Variants in UNC5D observed in about 807,000 individuals in gnomAD.
UNC5D encodes netrin receptor UNC5D.
Under a neutral mutation model 105.4 loss-of-function variants are expected in UNC5D, and 39 were observed. The observed-to-expected ratio is 0.37, with a 90% CI of 0.29 to 0.48. The LOEUF (loss-of-function observed/expected upper bound fraction) is 0.48, where lower values mean the gene tolerates loss of function less well. Among genes scored for constraint, UNC5D ranks in the 20% least tolerant of loss-of-function variants. The pLI, the probability that UNC5D is intolerant of heterozygous loss-of-function variation, is 0.98. For missense variants in UNC5D, 991 were observed against 1,202.4 expected (o/e 0.82, Z 2.60); for synonymous variants, 452 against 450.4 (o/e 1.00, Z -0.04).
chr8:35,393,868 TA>T (rs1405301518), intron 1 of UNC5D, among the ~76,000 whole-genome samples: 2 of 152,248 alleles, frequency 1.3e-5, no homozygotes, highest in East Asian at 3.8e-4. Context: ...AAGATCATTT[TA>T]GTTTTACACT....
chr8:35,601,448 A>G (rs563756254), intron 4 of UNC5D, among the ~76,000 whole-genome samples: 27 of 152,308 alleles, frequency 1.8e-4, no homozygotes, highest in African/African-American at 6.3e-4. Flanking sequence ...ATGTTCTTCC[A>G]TTTGTTTGTA....
intron 1 of UNC5D, among the ~76,000 whole-genome samples, chr8:35,416,024 G>A (rs979720541): frequency 6.6e-6 from 1 of 152,000 alleles, no homozygotes; most frequent in African/African-American, 2.4e-5. Context: ...ACATTCCAAG[G>A]TACCAAGAAG....
chr8:35,575,280 T>C (rs1169499242), intron 3 of UNC5D, among the ~76,000 whole-genome samples: 3 of 152,218 alleles, frequency 2.0e-5, no homozygotes, highest in Non-Finnish European at 4.4e-5. Flanking sequence ...ATTACCTTTG[T>C]TTTATAAATG....
At chr8:35,448,936 G>A (rs1350535721) in intron 1 of UNC5D, among the ~76,000 whole-genome samples, 2 of 152,072 alleles carry the variant, frequency 1.3e-5, no homozygotes, top group Non-Finnish European at 2.9e-5. Flanking sequence ...GCAAAAGGTA[G>A]GATTTTATTC....
rs1812619399 is a variant in UNC5D at position 35,510,336 on chromosome 8, T to G, written c.104-38956T>G. Among the ~76,000 whole-genome samples, 7 of 149,152 alleles carry G rather than the reference T, an allele frequency of 4.7e-5. No individual in the cohort carries two copies. In the South Asian group the frequency reaches 1.3e-3, roughly 27 times the overall value. On this transcript the variant is annotated intron_variant, in intron 1 of 16. Coordinates refer to ENST00000404895, the MANE Select transcript of UNC5D (RefSeq NM_080872.4). ...AAAAAAAAAAAAAAAAAAAAAACAC[T>G]TTGGAGATTCCCAGGATATTAGGAG...
intron 1 of UNC5D, among the ~76,000 whole-genome samples, chr8:35,530,109 T>C (rs1408819719): frequency 1.3e-5 from 2 of 152,108 alleles, no homozygotes; most frequent in Non-Finnish European, 2.9e-5. Context: ...AGAGAGGGCA[T>C]CCCTGTCTTG....
chr8:35,311,806 T>C (rs4540403), intron 1 of UNC5D, among the ~76,000 whole-genome samples: 68,004 of 151,942 alleles, frequency 0.45, 15,622 homozygotes, highest in East Asian at 0.7. Flanking sequence ...TCAAAGTTAT[T>C]TTAAAAGTAC....
At chr8:35,686,929 T>G (rs184643585) in intron 7 of UNC5D, among the ~76,000 whole-genome samples, 1 of 152,330 alleles carries the variant, frequency 6.6e-6, no homozygotes, top group East Asian at 1.9e-4. Context: ...ATTCTGTTGA[T>G]GTGTATACTT....
At chr8:35,587,892 C>A (rs1302029756) in intron 3 of UNC5D, among the ~76,000 whole-genome samples, 4 of 147,414 alleles carry the variant, frequency 2.7e-5, no homozygotes, top group Non-Finnish European at 6.0e-5. Flanking sequence ...AATTAATATA[C>A]CAAATTTCAT....
chr8:35,608,118 T>C (rs1272428273), intron 4 of UNC5D, among the ~76,000 whole-genome samples: 1 of 152,068 alleles, frequency 6.6e-6, no homozygotes, highest in Non-Finnish European at 1.5e-5. Flanking sequence ...TCAACATGAA[T>C]GTCTGGGGAC....
intron 1 of UNC5D, among the ~76,000 whole-genome samples, chr8:35,246,883 A>C (rs1803136585): frequency 1.3e-5 from 2 of 152,110 alleles, no homozygotes; most frequent in South Asian, 4.1e-4. Flanking sequence ...CACTGATTTG[A>C]TCACTGAGTT....
At chr8:35,312,260 T>C (rs1808948851) in intron 1 of UNC5D, among the ~76,000 whole-genome samples, 1 of 152,194 alleles carries the variant, frequency 6.6e-6, no homozygotes, top group East Asian at 1.9e-4. Context: ...CAGGATGACA[T>C]AATTGTCAAA....
chr8:35,314,517 C>T (rs1809135760), intron 1 of UNC5D, among the ~76,000 whole-genome samples: 1 of 151,916 alleles, frequency 6.6e-6, no homozygotes, highest in South Asian at 2.1e-4. Flanking sequence ...AAAAGAAAAG[C>T]AATTAGTAGG....
chr8:35,448,493 A>G (rs982346431), intron 1 of UNC5D, among the ~76,000 whole-genome samples: 2 of 152,092 alleles, frequency 1.3e-5, no homozygotes, highest in African/African-American at 2.4e-5. Context: ...GGTAAGTGCT[A>G]TTTAAAAACC....
chr8:35,555,068 G>A (rs1054577461), intron 2 of UNC5D, among the ~76,000 whole-genome samples: 2 of 152,194 alleles, frequency 1.3e-5, no homozygotes, highest in South Asian at 2.1e-4. Flanking sequence ...TAATTTGAAA[G>A]TATCTTCAAT....
chr8:35,724,089 A>T, intron 9 of UNC5D: 1 of 1,361,938 alleles, frequency 7.3e-7, no homozygotes, highest in South Asian at 1.8e-5. Flanking sequence ...TGTTCCGTGG[A>T]GCACCAGGCA....
chr8:35,600,500 T>C (rs544118290), intron 4 of UNC5D, among the ~76,000 whole-genome samples: 34 of 152,224 alleles, frequency 2.2e-4, no homozygotes, highest in Non-Finnish European at 4.7e-4. Context: ...CCATTCTAAC[T>C]GGCGTGAGAT....
At chr8:35,544,735 T>G (rs1441631259) in intron 1 of UNC5D, among the ~76,000 whole-genome samples, 1 of 151,264 alleles carries the variant, frequency 6.6e-6, no homozygotes, top group Non-Finnish European at 1.5e-5. Context: ...CCTGAGTAGC[T>G]GGGATTACAG....
chr8:35,594,197 T>C (rs935146727), intron 3 of UNC5D, among the ~76,000 whole-genome samples: 1 of 152,170 alleles, frequency 6.6e-6, no homozygotes, highest in Non-Finnish European at 1.5e-5. Flanking sequence ...CATGAAGACC[T>C]CCGAATATGT....
Sources: allele counts gnomAD v4.1 joint callset (sites outside exome capture counted in the v4.1 genomes callset), GRCh38; gene constraint gnomAD v4.1.1; transcripts MANE v1.5; gene names NCBI Gene and HGNC (gene_info 2026-07-23, HGNC 2026-07-21).